HSPB1: variants seen among roughly 807,000 people sequenced by gnomAD.
HSPB1 encodes the protein heat shock protein beta-1.
In HSPB1, 19 loss-of-function variants were observed where a neutral mutation model predicts 17.0. The ratio of observed to expected loss-of-function variants is 1.12; its 90% CI spans 0.78 to 1.64. The LOEUF is 1.64. Ranked by LOEUF, HSPB1 falls within the 40% of genes most tolerant of loss-of-function variation. The pLI is 0.00. For synonymous variants in HSPB1, 165 were observed against 129.8 expected (o/e 1.27, Z -1.84); for missense variants, 348 against 289.2 (o/e 1.20, Z -1.47).
intron 1 of HSPB1, 46 bp downstream of exon 1, chr7:76,303,122 C>T (rs769597303): frequency 2.7e-6 from 4 of 1,491,916 alleles, no homozygotes; most frequent in African/African-American, 1.4e-5. Context: ...GCTAGCAGGG[C>T]GGGCAGGGCC....
chr7:76,302,879 GC>G lies in HSPB1; in HGVS notation c.172del (p.Leu58CysfsTer52), dbSNP rs768456339. 1.3e-6 allele frequency: 2 copies of G among 1,564,798 alleles called. No homozygotes were observed. The highest frequency in any genetic ancestry group is 8.6e-7 in the Non-Finnish European group (1 of 1,160,732). On this transcript the variant is annotated frameshift_variant, in exon 1 of 3. Transcript: ENST00000248553. LOFTEE classifies it high-confidence loss of function. Reference protein sequence around the residue: ...LGGSSWPGYVRPLPPAAIESP... With the variant: ...LGGSSWPGYVXPLPPAAIESP... The stretch of plus-strand genomic sequence containing the variant: ...GGCAGCAGCTGGCCAGGCTACGTGC[GC>G]CCCCTGCCCCCCGCCGCCATCGAGA...
At chr7:76,303,769 C>T in intron 1 of HSPB1, 33 bp from the exon 2 acceptor site, 1 of 1,601,662 alleles carries the variant, frequency 6.2e-7, no homozygotes, top group Non-Finnish European at 8.5e-7. Flanking sequence ...CAGTCCCCTC[C>T]CCCGCAGTCT....
chr7:76,304,222 C>A lies in HSPB1; in HGVS notation c.*49C>A. The A allele has an allele frequency of 6.7e-7, 1 of 1,502,178 alleles. No individual in the cohort carries two copies. Among genetic ancestry groups the A allele is most frequent in the Non-Finnish European group, 9.2e-7 (1 of 1,090,710 alleles). The allele number at this position is 1,502,178 out of a possible 1,614,324, so 93.1% of individuals were successfully genotyped here. A position where few individuals can be genotyped will look rare whatever the true frequency, so the allele number is the denominator to read the frequency against. Reference sequence around the variant, plus strand: ...CTGCTGCCGCCACTGGCTGTGCCTCCCCCGCCACCTGTGTGTTCTTTTGAT... The same window carrying A: ...CTGCTGCCGCCACTGGCTGTGCCTCACCCGCCACCTGTGTGTTCTTTTGAT... On this transcript the variant is annotated 3_prime_UTR_variant, in exon 3 of 3. Transcript: ENST00000248553.
chr7:76,303,479 C>G (rs1249561526), intron 1 of HSPB1: 1 of 554,548 alleles, frequency 1.8e-6, no homozygotes, highest in African/African-American at 1.9e-5. Flanking sequence ...CAGCCCCATC[C>G]CCAGATAAGC....
At chr7:76,303,753 G>C in intron 1 of HSPB1, 49 bp from the exon 2 acceptor site, 1 of 1,570,976 alleles carries the variant, frequency 6.4e-7, no homozygotes, top group Non-Finnish European at 8.7e-7. Context: ...TAGCGGGGCC[G>C]AAAGGCAGTC....
chr7:76,304,260 T>C lies in HSPB1; in HGVS notation c.*87T>C. The C allele has an allele frequency of 7.6e-7, 1 of 1,322,088 alleles. No individual in the cohort carries two copies. The highest frequency in any genetic ancestry group is 1.1e-6 in the Non-Finnish European group (1 of 937,728). The allele number at this position is 1,322,088 out of a possible 1,614,324, so 81.9% of individuals were successfully genotyped here. ...GTGTTCTTTTGATACATTTATCTTC[T>C]GTTTTTCTCAAATAAAGTTCAAAGC... On this transcript the variant is annotated 3_prime_UTR_variant, in exon 3 of 3. Transcript: ENST00000248553.
rs745775840 is a variant in HSPB1 at position 76,302,699 on chromosome 7, CAG to C, written c.-11_-10del. On this transcript the variant is annotated 5_prime_UTR_variant, in exon 1 of 3. Transcript: ENST00000248553. ...CACTTTTCTGAGCAGACGTCCAGAG[CAG>C]AGTCAGCCAGCATGACCGAGCGCCG... 8.8e-6 allele frequency: 14 copies of C among 1,599,452 alleles called. No homozygotes were observed. The highest frequency in any genetic ancestry group is 2.1e-4 in the Middle Eastern group (1 of 4,654).
Position 76,302,768 on chromosome 7 carries a change from T to A in HSPB1, c.56T>A (p.Phe19Tyr). 6.2e-7 allele frequency: 1 copy of A among 1,607,560 alleles called. No individual in the cohort carries two copies. Among genetic ancestry groups the A allele is most frequent in the South Asian group, 1.1e-5 (1 of 90,972 alleles). Residue 19 changes from phenylalanine to tyrosine, a missense_variant, in exon 1 of 3, where the codon TTC becomes TAC. Coordinates refer to ENST00000248553, the MANE Select transcript of HSPB1 (RefSeq NM_001540.5). ...CTGCGGGGCCCCAGCTGGGACCCCTTCCGCGACTGGTACCCGCATAGCCGC... is the reference window on the plus strand; with the variant it reads ...CTGCGGGGCCCCAGCTGGGACCCCTACCGCGACTGGTACCCGCATAGCCGC... The part of the protein sequence containing the change: ...SLLRGPSWDP[F>Y]RDWYPHSRLF...
At chr7:76,303,106 G>T (rs541273562) in intron 1 of HSPB1, 30 bp downstream of exon 1, 1 of 1,504,648 alleles carries the variant, frequency 6.6e-7, no homozygotes, top group Non-Finnish European at 8.9e-7. Context: ...CAGGGGAGAG[G>T]AGGAGGCTAG....
At chr7:76,303,440 G>T (rs1803043185) in intron 1 of HSPB1, 1 of 480,294 alleles carries the variant, frequency 2.1e-6, no homozygotes, top group East Asian at 3.6e-5. Flanking sequence ...GAGAAAATGC[G>T]CTTTTCTACA....
chr7:76,303,957 G>A, intron 2 of HSPB1, 27 bp from the exon 3 acceptor site: 1 of 1,612,938 alleles, frequency 6.2e-7, no homozygotes. Context: ...GTAATGTAAC[G>A]CTTGCCTTTC....
At chr7:76,303,490 G>A (rs568744918) in intron 1 of HSPB1, 14 of 542,970 alleles carry the variant, frequency 2.6e-5, no homozygotes, top group South Asian at 2.5e-4. Context: ...CCAGATAAGC[G>A]GGGAGTTCCC....
At chr7:76,303,636 T>C in intron 1 of HSPB1, 166 bp from the exon 2 acceptor site, 1 of 647,888 alleles carries the variant, frequency 1.5e-6, no homozygotes, top group Non-Finnish European at 2.8e-6. Flanking sequence ...TCCGGAAGTT[T>C]CTGAGAGCCC....
In HSPB1 at chr7:76,302,886, G is replaced by A; in HGVS notation, c.174G>A (p.Leu58=). The A allele has an allele frequency of 2.6e-6, 4 of 1,559,326 alleles. No individual in the cohort carries two copies. The highest frequency in any genetic ancestry group is 2.4e-5 in the East Asian group (1 of 42,414). ...GSSWPGYVRP[L]PPAAIESPAV... Reference sequence around the variant, plus strand: ...GCTGGCCAGGCTACGTGCGCCCCCTGCCCCCCGCCGCCATCGAGAGCCCCG... The same window carrying A: ...GCTGGCCAGGCTACGTGCGCCCCCTACCCCCCGCCGCCATCGAGAGCCCCG... The change falls in exon 1 of 3, where the codon CTG becomes CTA. Residue 58 remains leucine, a synonymous_variant. Coordinates refer to ENST00000248553, the MANE Select transcript of HSPB1 (RefSeq NM_001540.5).
rs11547168 is a variant in HSPB1 at position 76,302,928 on chromosome 7, C to G, written c.216C>G (p.Ala72=). 6.5e-7 allele frequency: 1 copy of G among 1,546,230 alleles called. No homozygotes were observed. Among genetic ancestry groups the G allele is most frequent in the East Asian group, 2.4e-5 (1 of 41,630 alleles). ...AIESPAVAAP[A]YSRALSRQLS... ...AGAGCCCCGCAGTGGCCGCGCCCGC[C>G]TACAGCCGCGCGCTCAGCCGGCAAC... Residue 72 remains alanine, a synonymous_variant, in exon 1 of 3, where the codon GCC becomes GCG. Transcript: ENST00000248553.
chr7:76,303,085 C>G lies in HSPB1; in HGVS notation c.364+9C>G. ...CGTGGTGGAGATCACCGGTGAGCCC[C>G]CCTGCTCCTGCAGGGGAGAGGAGGA... On this transcript the variant is annotated intron_variant, in intron 1 of 2. Coordinates refer to ENST00000248553, the MANE Select transcript of HSPB1 (RefSeq NM_001540.5). 1 of 1,516,842 alleles carries G rather than the reference C, an allele frequency of 6.6e-7. No individual in the cohort carries two copies. Among genetic ancestry groups the G allele is most frequent in the Non-Finnish European group, 8.8e-7 (1 of 1,132,838 alleles). The allele number at this position is 1,516,842 out of a possible 1,614,324, so 94.0% of individuals were successfully genotyped here.
At chr7:76,303,412 A>G (rs1000484222) in intron 1 of HSPB1, 1 of 450,392 alleles carries the variant, frequency 2.2e-6, no homozygotes, top group Non-Finnish European at 3.9e-6. Flanking sequence ...AAATTTTTTT[A>G]AAGATCATCG....
chr7:76,303,952 G>C (rs1304770136), intron 2 of HSPB1, 32 bp from the exon 3 acceptor site: 2 of 1,612,750 alleles, frequency 1.2e-6, no homozygotes, highest in Non-Finnish European at 1.7e-6. Context: ...GGTGTGTAAT[G>C]TAACGCTTGC....
chr7:76,302,839 T>G lies in HSPB1; in HGVS notation c.127T>G (p.Ser43Ala). Residue 43 changes from serine to alanine, a missense_variant, in exon 1 of 3, where the codon TCG becomes GCG. Coordinates refer to ENST00000248553, the MANE Select transcript of HSPB1 (RefSeq NM_001540.5). Reference sequence around the variant, plus strand: ...GCTGCCCCGGCTGCCGGAGGAGTGGTCGCAGTGGTTAGGCGGCAGCAGCTG... The same window carrying G: ...GCTGCCCCGGCTGCCGGAGGAGTGGGCGCAGTGGTTAGGCGGCAGCAGCTG... ...FGLPRLPEEW[S>A]QWLGGSSWPG... 6.2e-7 allele frequency: 1 copy of G among 1,601,872 alleles called. No individual in the cohort carries two copies. The highest frequency in any genetic ancestry group is 8.5e-7 in the Non-Finnish European group (1 of 1,177,224).
Sources: allele counts gnomAD v4.1 joint callset, GRCh38; gene constraint gnomAD v4.1.1; transcripts MANE v1.5; gene names NCBI Gene and HGNC (gene_info 2026-07-23, HGNC 2026-07-21).